PRCP: variants seen among roughly 807,000 people sequenced by gnomAD.
PRCP encodes lysosomal Pro-X carboxypeptidase.
In PRCP, 46 loss-of-function variants were observed where a neutral mutation model predicts 54.2. The ratio of observed to expected loss-of-function variants is 0.85; its 90% CI spans 0.67 to 1.09. The LOEUF is 1.09. Ranked by LOEUF, PRCP falls within the 50% of genes least tolerant of loss-of-function variation. PRCP has a pLI of 0.00. For synonymous variants in PRCP, 240 were observed against 212.2 expected (o/e 1.13, Z -1.14); for missense variants, 613 against 596.8 (o/e 1.03, Z -0.28).
intron 8 of PRCP, chr11:82,835,873 GA>G: frequency 2.1e-6 from 1 of 473,206 alleles, no homozygotes; most frequent in Non-Finnish European, 4.2e-6. Context: ...AGAATGTCAA[GA>G]TCCCAGATGA....
chr11:82,831,027 G>A (rs1858367376), intron 8 of PRCP: 1 of 97,190 alleles, frequency 1.0e-5, no homozygotes, highest in Admixed American at 1.7e-4. Context: ...AGCTAAACCA[G>A]TCATTGGAAA....
chr11:82,849,863 A>T (rs1306977271), intron 5 of PRCP, 51 bp downstream of exon 5: 3 of 1,320,086 alleles, frequency 2.3e-6, no homozygotes, highest in Non-Finnish European at 2.9e-6. Flanking sequence ...TGAATTTAAC[A>T]AATGAAAGGT....
In PRCP at chr11:82,849,211, A is replaced by T. The variant is rs1039543038; in HGVS notation, c.759T>A (p.Gly253=). The change falls in exon 6 of 9, where the codon GGT becomes GGA. Residue 253 remains glycine, a synonymous_variant. Transcript: ENST00000313010. ...AINRLSNTGS[G]LQWLTGALHL... is the part of the protein sequence containing the mutation. ...GAAGGGCTCCAGTAAGCCACTGCAA[A>T]CCACTGCCTGGGAATAGAATCACAC... The T allele has an allele frequency of 2.5e-6, 4 of 1,613,840 alleles. No homozygotes were observed. The highest frequency in any genetic ancestry group is 2.5e-6 in the Non-Finnish European group (3 of 1,179,886).
intron 1 of PRCP, among the ~76,000 whole-genome samples, chr11:82,863,949 ATTAC>A (rs1859271802): frequency 6.6e-6 from 1 of 152,246 alleles, no homozygotes; most frequent in Admixed American, 6.5e-5. Flanking sequence ...CCTCGGGCAA[ATTAC>A]TTAACCTCTC....
intron 6 of PRCP, among the ~76,000 whole-genome samples, chr11:82,844,796 ACT>A (rs1369571434): frequency 2.0e-5 from 3 of 151,590 alleles, no homozygotes; most frequent in South Asian, 2.1e-4. Flanking sequence ...ACAAATGCAG[ACT>A]CTCTGGAGCT....
At chr11:82,900,698 C>A (rs1438333575), upstream of PRCP, 2 of 571,912 alleles carry the variant, frequency 3.5e-6, no homozygotes, top group Non-Finnish European at 6.6e-6. Context: ...GCTAGGGCCT[C>A]TTCCTAACTC....
intron 8 of PRCP, among the ~76,000 whole-genome samples, chr11:82,834,271 A>C (rs2121076694): frequency 6.6e-6 from 1 of 152,312 alleles, no homozygotes; most frequent in East Asian, 1.9e-4. Flanking sequence ...GTGCTAGTGG[A>C]CTAAGACAAA....
intron 1 of PRCP, among the ~76,000 whole-genome samples, chr11:82,892,997 T>C (rs1486508765): frequency 6.6e-6 from 1 of 152,194 alleles, no homozygotes; most frequent in Non-Finnish European, 1.5e-5. Flanking sequence ...AAGTGACTGA[T>C]TGAGTATGGT....
intron 1 of PRCP, among the ~76,000 whole-genome samples, chr11:82,876,492 A>G (rs904555485): frequency 1.3e-5 from 2 of 152,090 alleles, no homozygotes; most frequent in African/African-American, 4.8e-5. Context: ...CCAAATCTCA[A>G]CTTGAATTGT....
intron 1 of PRCP, among the ~76,000 whole-genome samples, chr11:82,873,002 G>C (rs931017534): frequency 6.6e-6 from 1 of 151,844 alleles, no homozygotes; most frequent in African/African-American, 2.4e-5. Flanking sequence ...GCTATGATAG[G>C]GAGACTGAAC....
intron 6 of PRCP, among the ~76,000 whole-genome samples, chr11:82,846,370 T>C (rs1858810311): frequency 6.6e-6 from 1 of 151,966 alleles, no homozygotes; most frequent in African/African-American, 2.4e-5. Flanking sequence ...GTGGAAAAAT[T>C]CTGAAAATCA....
chr11:82,869,721 T>C (rs1859434137), intron 1 of PRCP, among the ~76,000 whole-genome samples: 1 of 152,184 alleles, frequency 6.6e-6, no homozygotes, highest in South Asian at 2.1e-4. Context: ...GCAGTTGGTA[T>C]AAAAACAAAA....
chr11:82,856,150 TA>T (rs1859077971), intron 2 of PRCP, among the ~76,000 whole-genome samples: 1 of 151,934 alleles, frequency 6.6e-6, no homozygotes, highest in South Asian at 2.1e-4. Context: ...CTACAAAAAA[TA>T]AAATTAAAAA....
At chr11:82,870,650 G>A (rs527935480) in intron 1 of PRCP, among the ~76,000 whole-genome samples, 1 of 152,360 alleles carries the variant, frequency 6.6e-6, no homozygotes, top group African/African-American at 2.4e-5. Context: ...TTTAAAGACA[G>A]AGGTAAAAGT....
At chr11:82,844,453 G>C (rs1268624285) in intron 6 of PRCP, among the ~76,000 whole-genome samples, 1 of 151,624 alleles carries the variant, frequency 6.6e-6, no homozygotes, top group East Asian at 1.9e-4. Flanking sequence ...AAGAAAGAAA[G>C]AGGCCGGGCG....
At chr11:82,876,993 A>G (rs890385370) in intron 1 of PRCP, among the ~76,000 whole-genome samples, 1 of 152,186 alleles carries the variant, frequency 6.6e-6, no homozygotes, top group African/African-American at 2.4e-5. Context: ...AAATGCTGAT[A>G]GTGATATGAA....
At position 82,849,396 on chromosome 11, in the gene PRCP, T is replaced by C. The variant is rs951794013; in HGVS notation, c.752-178A>G. 4.6e-5 allele frequency among the ~76,000 whole-genome samples: 7 copies of C among 152,220 alleles called. No individual in the cohort carries two copies. The East Asian group carries it at 1.2e-3, about 25-fold the overall frequency. On this transcript the variant is annotated intron_variant, in intron 5 of 8. Transcript: ENST00000313010. ...AGACAAGTTGCCTATCCTCATAGAG[T>C]TTACCATAATTAGTATTCAGAATTA...
intron 6 of PRCP, chr11:82,839,885 G>A (rs1157360758): frequency 5.7e-6 from 1 of 176,316 alleles, no homozygotes; most frequent in Admixed American, 6.1e-5. Context: ...ATGTTTCCAA[G>A]TTGGGAAGAA....
chr11:82,886,166 T>C (rs1859858121), intron 1 of PRCP, among the ~76,000 whole-genome samples: 1 of 152,204 alleles, frequency 6.6e-6, no homozygotes, highest in African/African-American at 2.4e-5. Context: ...CATTATATTT[T>C]TGCTGTCCAA....
Sources: allele counts gnomAD v4.1 joint callset (sites outside exome capture counted in the v4.1 genomes callset), GRCh38; gene constraint gnomAD v4.1.1; transcripts MANE v1.5; gene names NCBI Gene and HGNC (gene_info 2026-07-23, HGNC 2026-07-21).